Variants in STRIP1 observed in about 807,000 individuals in gnomAD.
STRIP1 encodes striatin-interacting protein 1.
STRIP1 carries 63 observed loss-of-function variants against 106.2 expected under a neutral mutation model. The observed-to-expected ratio is 0.59, with a 90% CI of 0.48 to 0.73. The LOEUF (loss-of-function observed/expected upper bound fraction) is 0.73. STRIP1 is among the 30% of genes least tolerant of loss of function. The pLI, the probability that STRIP1 is intolerant of heterozygous loss-of-function variation, is 0.00. For synonymous variants in STRIP1, 390 were observed against 413.0 expected, an observed-to-expected ratio of 0.94 and a Z score of 0.67; for missense variants, 857 against 1,074.8, an observed-to-expected ratio of 0.80 and a Z score of 2.83.
Position 110,051,686 on chromosome 1 carries a change from C to G in STRIP1, c.2065C>G (p.Leu689Val), listed in dbSNP as rs1415579284. ...TKWKHSRTMM[L>V]VVFKSAPILK... is the part of the protein sequence containing the mutation. ...GCTTGCTTGTTTCCCTTCCCAGATG[C>G]TGGTGGTGTTCAAGTCAGCCCCCAT... The change falls in exon 20 of 21, where the codon CTG becomes GTG. Residue 689 changes from leucine (L) to valine (V), a missense_variant. Around this residue, in one of 2 missense-constraint regions of STRIP1, gnomAD observed 750 missense variants for 989.8 expected, o/e 0.76. Coordinates refer to ENST00000369795, the MANE Select transcript of STRIP1 (RefSeq NM_033088.4). 6.2e-7 allele frequency: 1 copy of G among 1,602,212 alleles called. No individual in the cohort carries two copies. Among genetic ancestry groups the G allele is most frequent in the Non-Finnish European group, 8.5e-7 (1 of 1,174,476 alleles).
At position 110,039,163 on chromosome 1, in the gene STRIP1, GC is replaced by G; in HGVS notation, c.326-6del. On this transcript the variant is annotated splice_polypyrimidine_tract_variant and splice_region_variant and intron_variant, in intron 3 of 20. Transcript: ENST00000369795. ...TAGGCTCAGGTGTAACTGGTTTCTT[GC>G]CCTGCAGTGACAGACAAGAAGTGGA... The G allele has an allele frequency of 1.9e-6, 3 of 1,613,874 alleles. No individual in the cohort carries two copies. The highest frequency in any genetic ancestry group is 1.7e-4 in the Middle Eastern group (1 of 6,058).
upstream of STRIP1, among the ~76,000 whole-genome samples, chr1:110,031,993 CA>C (rs1157702724): frequency 6.6e-6 from 1 of 151,774 alleles, no homozygotes; most frequent in African/African-American, 2.4e-5. Context: ...CTCAACTTCC[CA>C]AAGTGCTGAG....
At chr1:110,050,872 C>T (rs1405422237) in intron 18 of STRIP1, 84 bp from the exon 19 acceptor site, 2 of 809,368 alleles carry the variant, frequency 2.5e-6, no homozygotes, top group African/African-American at 1.7e-5. Context: ...CCCGGCTGTC[C>T]TGAGATCATG....
At chr1:110,034,455 A>G (rs1478851374), upstream of STRIP1, among the ~76,000 whole-genome samples, 1 of 152,190 alleles carries the variant, frequency 6.6e-6, no homozygotes, top group Non-Finnish European at 1.5e-5. Context: ...GTGGAAAACT[A>G]AAAAGATCAA....
At chr1:110,040,054 A>ATAT in intron 5 of STRIP1, 1 of 495,516 alleles carries the variant, frequency 2.0e-6, no homozygotes, top group Non-Finnish European at 3.7e-6. Flanking sequence ...ATTCATGTTA[A>ATAT]GGATATAGGT....
At chr1:110,049,394 G>C (rs1164750188) in intron 16 of STRIP1, 66 bp from the exon 17 acceptor site, 12 of 1,549,808 alleles carry the variant, frequency 7.7e-6, no homozygotes, top group Non-Finnish European at 1.1e-5. Context: ...TTCATCCCTG[G>C]AGGAAAGAGG....
upstream of STRIP1, among the ~76,000 whole-genome samples, chr1:110,032,610 G>A (rs1403553633): frequency 4.6e-5 from 7 of 152,016 alleles, no homozygotes; most frequent in East Asian, 1.9e-4. Context: ...TCTTACTCTC[G>A]AGCTTACTTA....
chr1:110,042,206 T>C (rs552921697), intron 8 of STRIP1, among the ~76,000 whole-genome samples: 2 of 152,240 alleles, frequency 1.3e-5, no homozygotes, highest in East Asian at 1.9e-4. Flanking sequence ...GCTGATGTAA[T>C]TGGGGCCCTG....
At chr1:110,050,163 T>C (rs919167400) in intron 17 of STRIP1, 180 bp from the exon 18 acceptor site, 27 of 606,700 alleles carry the variant, frequency 4.5e-5, no homozygotes, top group Non-Finnish European at 8.0e-5. Flanking sequence ...ACAAGTTCTC[T>C]TGTAACAGAT....
chr1:110,034,205 G>T (rs551130582), upstream of STRIP1, among the ~76,000 whole-genome samples: 1 of 152,182 alleles, frequency 6.6e-6, no homozygotes, highest in Non-Finnish European at 1.5e-5. Context: ...TTGGTGCACA[G>T]GAGACATTTA....
At chr1:110,046,397 G>A (rs192392068) in intron 12 of STRIP1, among the ~76,000 whole-genome samples, 1 of 152,322 alleles carries the variant, frequency 6.6e-6, no homozygotes, top group Admixed American at 6.5e-5. Flanking sequence ...CTACTTGGGA[G>A]GCTGGAGCAG....
At chr1:110,032,325 C>T (rs1211881333), upstream of STRIP1, among the ~76,000 whole-genome samples, 2 of 152,114 alleles carry the variant, frequency 1.3e-5, no homozygotes, top group Admixed American at 1.3e-4. Flanking sequence ...TAATTTACAA[C>T]AAAGACTTTT....
chr1:110,036,220 A>G (rs958959768), intron 1 of STRIP1, among the ~76,000 whole-genome samples: 2 of 152,202 alleles, frequency 1.3e-5, no homozygotes, highest in African/African-American at 4.8e-5. Context: ...GGGGAGGCCG[A>G]GGCGGGCGGA....
intron 12 of STRIP1, chr1:110,045,484 A>G (rs1652978510): frequency 6.5e-6 from 1 of 153,488 alleles, no homozygotes; most frequent in South Asian, 2.0e-4. Context: ...TTCTTTAAAA[A>G]AAAAAAAAAA....
chr1:110,041,875 TGGA>T lies in STRIP1; in HGVS notation c.885+22_885+24del, dbSNP rs1652781863. Reference sequence around the variant, plus strand: ...AAGACAGTATTGGTGAGCACCTCCTTGGAGGAGGAGAACGGTGCTATGGGATGG... The same window carrying T: ...AAGACAGTATTGGTGAGCACCTCCTTGGAGGAGAACGGTGCTATGGGATGG... On this transcript the variant is annotated intron_variant, in intron 8 of 20. Coordinates refer to ENST00000369795, the MANE Select transcript of STRIP1 (RefSeq NM_033088.4). 3.7e-6 allele frequency: 6 copies of T among 1,613,648 alleles called. No homozygotes were observed. In the African/African-American group the frequency reaches 4.0e-5, roughly 11 times the overall value.
chr1:110,049,221 T>G lies in STRIP1; in HGVS notation c.1771T>G (p.Leu591Val). 1 of 1,614,182 alleles carries G rather than the reference T, an allele frequency of 6.2e-7. No individual in the cohort carries two copies. The change falls in exon 16 of 21, where the codon TTG becomes GTG. Residue 591 changes from leucine (L) to valine (V), a missense_variant. By Grantham distance (32) the Leu-to-Val change is conservative (BLOSUM62 1). Around this residue, in one of 2 missense-constraint regions of STRIP1, gnomAD observed 750 missense variants for 989.8 expected, o/e 0.76. Transcript: ENST00000369795. Reference protein sequence around the residue: ...VLLLLLKHFKLNHVYQFEYMA... With the variant: ...VLLLLLKHFKVNHVYQFEYMA... Reference sequence around the variant, plus strand: ...GCTGCTGCTGCTCAAGCACTTTAAGTTGAACCATGTCTACCAGGTACCCAC... The same window carrying G: ...GCTGCTGCTGCTCAAGCACTTTAAGGTGAACCATGTCTACCAGGTACCCAC...
chr1:110,039,536 G>A, intron 5 of STRIP1, 21 bp downstream of exon 5: 1 of 1,585,894 alleles, frequency 6.3e-7, no homozygotes, highest in Non-Finnish European at 8.6e-7. Context: ...TTGAGAGGCT[G>A]AGTAGGGAAG....
Position 110,049,564 on chromosome 1 carries a change from A to T in STRIP1, c.1889+4A>T. 1 of 1,603,486 alleles carries T rather than the reference A, an allele frequency of 6.2e-7. No individual in the cohort carries two copies. Among genetic ancestry groups the T allele is most frequent in the East Asian group, 2.2e-5 (1 of 44,818 alleles). On this transcript the variant is annotated splice_donor_region_variant and intron_variant, in intron 17 of 20. Coordinates refer to ENST00000369795, the MANE Select transcript of STRIP1 (RefSeq NM_033088.4). ...CCTACATCACTGCCAAGAACAGGTGATGAGGGCCAGGGACCATGAAGGGGT... is the reference window on the plus strand; with the variant it reads ...CCTACATCACTGCCAAGAACAGGTGTTGAGGGCCAGGGACCATGAAGGGGT...
chr1:110,051,906 C>T lies in STRIP1; in HGVS notation c.2266+19C>T, dbSNP rs1330521112. On this transcript the variant is annotated intron_variant, in intron 20 of 20. Transcript: ENST00000369795. ...GGCAATGGTGAGACTCTGCACTCAG[C>T]CAGATTTGGGTGGGAGTGTGTCGGG... is the stretch of plus-strand genomic sequence containing the variant. 1 of 1,610,392 alleles carries T rather than the reference C, an allele frequency of 6.2e-7. No homozygotes were observed. The highest frequency in any genetic ancestry group is 8.5e-7 in the Non-Finnish European group (1 of 1,178,776).
Sources: gnomAD v4.1 joint callset for allele counts (sites outside exome capture counted in the v4.1 genomes callset) on GRCh38, gnomAD v4.1.1 for gene constraint, gnomAD v4.1.1 regional missense constraint, MANE v1.5 for transcripts, NCBI Gene and HGNC (gene_info 2026-07-23, HGNC 2026-07-21) for gene names.